Variants in FRYL observed in about 807,000 individuals in gnomAD.
FRYL encodes the protein FRY like transcription coactivator.
In FRYL, 150 loss-of-function variants were observed where a neutral mutation model predicts 351.2. The ratio of observed to expected loss-of-function variants is 0.43; its 90% confidence interval spans 0.37 to 0.49. The LOEUF (loss-of-function observed/expected upper bound fraction) is 0.49. FRYL is among the 20% of genes least tolerant of loss of function. The pLI, the probability that FRYL is intolerant of heterozygous loss-of-function variation, is 0.00. For missense variants in FRYL, 3,036 were observed against 3,619.3 expected (o/e 0.84, Z 4.13); for synonymous variants, 1,153 against 1,257.1 (o/e 0.92, Z 1.75).
chr4:48,777,401 C>T (rs541882149), intron 1 of FRYL, among the ~76,000 whole-genome samples: 4 of 152,148 alleles, frequency 2.6e-5, no homozygotes, highest in Non-Finnish European at 4.4e-5. Context: ...GCGGCCTTTA[C>T]AGGACATTAT....
chr4:48,593,891 A>G, intron 16 of FRYL, 39 bp downstream of exon 16: 1 of 983,590 alleles, frequency 1.0e-6, no homozygotes, highest in Non-Finnish European at 1.4e-6. Context: ...TTAAAAAAAA[A>G]ATCTAGGATT....
At chr4:48,764,770 A>G (rs755727491) in intron 1 of FRYL, among the ~76,000 whole-genome samples, 22 of 152,184 alleles carry the variant, frequency 1.4e-4, no homozygotes, top group Non-Finnish European at 3.1e-4. Flanking sequence ...AAACAACCAT[A>G]CTACTCAAAG....
chr4:48,655,618 C>A (rs1296528066), intron 3 of FRYL, among the ~76,000 whole-genome samples: 1 of 147,912 alleles, frequency 6.8e-6, no homozygotes, highest in African/African-American at 2.5e-5. Context: ...AGGAAATAAG[C>A]CAATTTAGAC....
At chr4:48,557,182 C>T (rs1244576724) in intron 34 of FRYL, 64 bp from the exon 35 acceptor site, 1 of 1,520,242 alleles carries the variant, frequency 6.6e-7, no homozygotes, top group Non-Finnish European at 8.9e-7. Context: ...CCAAACTTGT[C>T]ATACCATGAA....
rs578019064 is a variant in FRYL at position 48,620,660 on chromosome 4, C to A, written c.293G>T (p.Arg98Leu). The change falls in exon 6 of 64, where the codon CGG (arginine) becomes CTG (leucine). Residue 98 changes from arginine to leucine, a missense_variant. Physicochemically the swap from Arg to Leu is moderately radical, Grantham distance 102. Around this residue, in one of 7 missense-constraint regions of FRYL, gnomAD observed 457 missense variants for 566.6 expected, o/e 0.81. Coordinates refer to ENST00000358350, the MANE Select transcript of FRYL (RefSeq NM_015030.2). ...TEDESYEYRP[R>L]SSTKSKGDEQ... is the part of the protein sequence containing the mutation. ...TTACCCCTTAGACTTTGTGCTAGAC[C>A]GAGGCCTATATTCATAAGATTCATC... 29 of 1,613,378 alleles carry A rather than the reference C, an allele frequency of 1.8e-5. No homozygotes were observed. Among genetic ancestry groups the A allele is most frequent in the Middle Eastern group, 1.6e-4 (1 of 6,082 alleles).
chr4:48,542,128 G>T lies in FRYL; in HGVS notation c.5593-7C>A, dbSNP rs1226203156. The T allele has an allele frequency of 1.3e-6, 2 of 1,599,138 alleles. No homozygotes were observed. The highest frequency in any genetic ancestry group is 8.6e-7 in the Non-Finnish European group (1 of 1,167,356). Reference sequence around the variant, plus strand: ...GAAGCTCAATCACAAATCCCTGGGGGGAAAAAGGCAGATTTTAATTAATTA... The same window carrying T: ...GAAGCTCAATCACAAATCCCTGGGGTGAAAAAGGCAGATTTTAATTAATTA... On this transcript the variant is annotated splice_region_variant and splice_polypyrimidine_tract_variant and intron_variant, in intron 44 of 63. Coordinates refer to ENST00000358350, the MANE Select transcript of FRYL (RefSeq NM_015030.2).
In FRYL at chr4:48,567,839, T is replaced by C. The variant is rs1398454660; in HGVS notation, c.2997-419A>G. Among the ~76,000 whole-genome samples the C allele has an allele frequency of 1.4e-4, 21 of 152,240 alleles. No homozygotes were observed. Among genetic ancestry groups the C allele is most frequent in the Middle Eastern group, 3.2e-3 (1 of 316 alleles). On this transcript the variant is annotated intron_variant, in intron 27 of 63. Coordinates refer to ENST00000358350, the MANE Select transcript of FRYL (RefSeq NM_015030.2). This position sits in a 1 kb window ranked among gnomAD's most constrained non-coding sequence, Gnocchi z 4.2. ...ATATTGTGCCTTCAGCATAATTAAATATCTATTAGTCACTTAGTAACATTC... is the reference window on the plus strand; with the variant it reads ...ATATTGTGCCTTCAGCATAATTAAACATCTATTAGTCACTTAGTAACATTC...
At chr4:48,510,197 A>T (rs1372972811) in intron 58 of FRYL, 40 bp from the exon 59 acceptor site, 4 of 1,439,712 alleles carry the variant, frequency 2.8e-6, no homozygotes, top group Non-Finnish European at 3.9e-6. Context: ...ACCATTTCTG[A>T]TTGAAATCAT....
At position 48,586,741 on chromosome 4, in the gene FRYL, A is replaced by T. The variant is rs1200156920; in HGVS notation, c.1641-13T>A. 5.3e-6 allele frequency: 8 copies of T among 1,522,274 alleles called. No individual in the cohort carries two copies. Among genetic ancestry groups the T allele is most frequent in the Non-Finnish European group, 7.2e-6 (8 of 1,103,680 alleles). The allele number at this position is 1,522,274 out of a possible 1,614,324, so 94.3% of individuals were successfully genotyped here. ...TTTTCTTTCCCCCCTGAAAAATACA[A>T]CAGGATTTAATAAGAAACATATTAC... On this transcript the variant is annotated splice_polypyrimidine_tract_variant and intron_variant, in intron 18 of 63. Coordinates refer to ENST00000358350, the MANE Select transcript of FRYL (RefSeq NM_015030.2).
intron 4 of FRYL, among the ~76,000 whole-genome samples, chr4:48,630,606 T>G (rs1752777503): frequency 6.6e-6 from 1 of 152,204 alleles, no homozygotes; most frequent in African/African-American, 2.4e-5. Flanking sequence ...TTGGATTGCA[T>G]AGCCTGCAAG....
At position 48,544,899 on chromosome 4, in the gene FRYL, C is replaced by A; in HGVS notation, c.5285G>T (p.Arg1762Ile). The change falls in exon 43 of 64, where the codon AGA (arginine) becomes ATA (isoleucine). Residue 1762 changes from arginine to isoleucine, a missense_variant. This residue lies in a region of FRYL where 1,987 missense variants were observed against 2,311.7 expected (regional missense o/e 0.86). Transcript: ENST00000358350. ...ATCCTCATGGTTCCAAAGGGGCCCTCTTTTTCTGAAAACAGAGAACAGATG... is the reference window on the plus strand; with the variant it reads ...ATCCTCATGGTTCCAAAGGGGCCCTATTTTTCTGAAAACAGAGAACAGATG... ...TLMEFITSRK[R>I]GPLWNHEDVS... 6.3e-7 allele frequency: 1 copy of A among 1,599,498 alleles called. No individual in the cohort carries two copies. Among genetic ancestry groups the A allele is most frequent in the Admixed American group, 1.8e-5 (1 of 56,212 alleles).
At chr4:48,526,084 A>G (rs1213173895) in intron 53 of FRYL, among the ~76,000 whole-genome samples, 1 of 151,860 alleles carries the variant, frequency 6.6e-6, no homozygotes, top group Admixed American at 6.6e-5. Flanking sequence ...TGAGCTGTAT[A>G]TGAGTTGTAT....
In FRYL at chr4:48,679,458, TAA is replaced by T. The variant is rs1323182383; in HGVS notation, c.-81+5213_-81+5214del. Among the ~76,000 whole-genome samples the T allele has an allele frequency of 6.6e-5, 10 of 152,174 alleles. No homozygotes were observed. In the East Asian group the frequency reaches 1.9e-3, roughly 29 times the overall value. ...TCCTACCCTAAGGAGCTTAAAATGATAAAGTTTTCAAAGGTAATCGCATTGTC... is the reference window on the plus strand; with the variant it reads ...TCCTACCCTAAGGAGCTTAAAATGATAGTTTTCAAAGGTAATCGCATTGTC... On this transcript the variant is annotated intron_variant, in intron 3 of 63. Transcript: ENST00000358350.
At position 48,522,909 on chromosome 4, in the gene FRYL, T is replaced by C; in HGVS notation, c.7513A>G (p.Thr2505Ala). The change falls in exon 54 of 64, where the codon ACA (threonine) becomes GCA (alanine). Residue 2505 changes from threonine (T) to alanine (A), a missense_variant. Around this residue, in one of 7 missense-constraint regions of FRYL, gnomAD observed 1,987 missense variants for 2,311.7 expected, o/e 0.86. Coordinates refer to ENST00000358350, the MANE Select transcript of FRYL (RefSeq NM_015030.2). ...AAAAGTGAATTGTATACCATCTGTGTGCGTGAGAGTATCTGGCTTGCTGTA... is the reference window on the plus strand; with the variant it reads ...AAAAGTGAATTGTATACCATCTGTGCGCGTGAGAGTATCTGGCTTGCTGTA... Reference protein sequence around the residue: ...ALTASQILSRTQMLNSDSATD... With the variant: ...ALTASQILSRAQMLNSDSATD... 2 of 1,612,280 alleles carry C rather than the reference T, an allele frequency of 1.2e-6. No homozygotes were observed. Among genetic ancestry groups the C allele is most frequent in the Non-Finnish European group, 1.7e-6 (2 of 1,178,314 alleles).
At chr4:48,765,579 C>T (rs1290349045) in intron 1 of FRYL, among the ~76,000 whole-genome samples, 1 of 152,086 alleles carries the variant, frequency 6.6e-6, no homozygotes, top group Non-Finnish European at 1.5e-5. Context: ...CTCCATGACA[C>T]TGGTCTTGGC....
intron 31 of FRYL, among the ~76,000 whole-genome samples, chr4:48,563,654 G>A (rs936398237): frequency 6.6e-6 from 1 of 150,692 alleles, no homozygotes; most frequent in African/African-American, 2.4e-5. Context: ...AGGTTACAGT[G>A]AACTATGATC....
Position 48,544,807 on chromosome 4 carries a change from A to G in FRYL, c.5377T>C (p.Ser1793Pro), listed in dbSNP as rs1730982201. 2.5e-6 allele frequency: 4 copies of G among 1,601,080 alleles called. No homozygotes were observed. Among genetic ancestry groups the G allele is most frequent in the Non-Finnish European group, 3.4e-6 (4 of 1,175,654 alleles). Residue 1793 changes from serine (S) to proline (P), a missense_variant, in exon 43 of 64, where the codon TCT becomes CCT. Transcript: ENST00000358350. ...CCTGAGCTTGACTGCTTAAAAACAG[A>G]AACCACATGTTTCAAAAATGTAGTT... is the stretch of plus-strand genomic sequence containing the variant. ...QLTTFLKHVV[S>P]VFKQSSSEGI...
chr4:48,674,925 C>G (rs1229471288), intron 3 of FRYL, among the ~76,000 whole-genome samples: 1 of 152,104 alleles, frequency 6.6e-6, no homozygotes, highest in Non-Finnish European at 1.5e-5. Flanking sequence ...TGTTTATTCC[C>G]CAGCCTTTTG....
chr4:48,653,795 A>G, intron 3 of FRYL: 1 of 1,286,648 alleles, frequency 7.8e-7, no homozygotes, highest in Non-Finnish European at 1.0e-6. Context: ...ATAGTGTCTC[A>G]ATCAGCTGCA....
Sources: gnomAD v4.1 joint callset for allele counts (sites outside exome capture counted in the v4.1 genomes callset) on GRCh38, gnomAD v4.1.1 for gene constraint, gnomAD v4.1.1 regional missense constraint, Gnocchi (gnomAD v3.1) non-coding constraint, MANE v1.5 for transcripts, NCBI Gene and HGNC (gene_info 2026-07-23, HGNC 2026-07-21) for gene names.